STYX: variants seen among roughly 807,000 people sequenced by gnomAD.
STYX encodes the protein serine/threonine/tyrosine-interacting protein.
Under a neutral mutation model 42.7 loss-of-function variants are expected in STYX, and 20 were observed. The ratio of observed to expected loss-of-function variants is 0.47; its 90% confidence interval spans 0.33 to 0.68. The LOEUF is 0.68. Among genes scored for constraint, STYX ranks in the 30% least tolerant of loss-of-function variants. The pLI is 0.02. For synonymous variants in STYX, 78 were observed against 81.9 expected (o/e 0.95, Z 0.26); for missense variants, 226 against 268.5 (o/e 0.84, Z 1.11).
intron 1 of STYX, among the ~76,000 whole-genome samples, chr14:52,737,055 C>T (rs778444153): frequency 1.8e-4 from 27 of 151,896 alleles, no homozygotes; most frequent in Non-Finnish European, 3.5e-4. Context: ...TTTTTTCTTC[C>T]CCAAACTGTT....
intron 9 of STYX, among the ~76,000 whole-genome samples, chr14:52,766,429 A>T (rs1278925567): frequency 1.3e-5 from 2 of 152,120 alleles, no homozygotes; most frequent in Non-Finnish European, 2.9e-5. Context: ...TCGGCCTCCC[A>T]AAGTGCTGGG....
At chr14:52,764,738 G>A (rs550669098) in intron 9 of STYX, among the ~76,000 whole-genome samples, 20 of 133,178 alleles carry the variant, frequency 1.5e-4, no homozygotes, top group Non-Finnish European at 2.2e-4. Context: ...GTGTGATCTC[G>A]GCTCACTGCA....
intron 1 of STYX, among the ~76,000 whole-genome samples, chr14:52,730,745 A>C (rs1880665823): frequency 6.6e-6 from 1 of 152,200 alleles, no homozygotes; most frequent in African/African-American, 2.4e-5. Flanking sequence ...TGGTGTACTT[A>C]CATTTGAGAA....
chr14:52,764,774 T>C (rs1263690148), intron 9 of STYX, among the ~76,000 whole-genome samples: 1 of 150,500 alleles, frequency 6.6e-6, no homozygotes, highest in Non-Finnish European at 1.5e-5. Flanking sequence ...GTTCAAGCGA[T>C]TCACACACCT....
In STYX at chr14:52,730,218, GA is replaced by G; in HGVS notation, c.-256del. The G allele has an allele frequency of 1.8e-6, 1 of 545,688 alleles. No homozygotes were observed. The highest frequency in any genetic ancestry group is 3.3e-6 in the Non-Finnish European group (1 of 305,066). The allele number at this position is 545,688 out of a possible 1,614,324, so 33.8% of individuals were successfully genotyped here. On this transcript the variant is annotated 5_prime_UTR_variant, in exon 1 of 11. Coordinates refer to ENST00000354586, the MANE Select transcript of STYX (RefSeq NM_145251.4). ...TCCTGGGCGGCCTGAGGGGTACGGAGACTCTGGGGGAGGGAGACGGCAGCGG... is the reference window on the plus strand; with the variant it reads ...TCCTGGGCGGCCTGAGGGGTACGGAGCTCTGGGGGAGGGAGACGGCAGCGG...
chr14:52,758,018 C>CTACA lies in STYX; in HGVS notation c.431+95_431+96insACAT, dbSNP rs934797507. On this transcript the variant is annotated intron_variant, in intron 8 of 10. Transcript: ENST00000354586. ...TTGGAAGTTTGAAGTTCTTATTCCC[C>CTACA]TGATTATTTTTCATGTAGTCATGTT... is the stretch of plus-strand genomic sequence containing the variant. 18 of 1,367,086 alleles carry CTACA rather than the reference C, an allele frequency of 1.3e-5. No homozygotes were observed. The African/African-American group carries it at 2.3e-4, about 18-fold the overall frequency. 84.7% of individuals were successfully genotyped at this position (1,367,086 alleles called of 1,614,324 possible).
intron 3 of STYX, among the ~76,000 whole-genome samples, chr14:52,747,298 G>T (rs1361233134): frequency 6.6e-6 from 1 of 152,288 alleles, no homozygotes; most frequent in Non-Finnish European, 1.5e-5. Context: ...TATCATAGAT[G>T]TCTTTCCCCA....
intron 4 of STYX, among the ~76,000 whole-genome samples, chr14:52,755,113 G>GTTTTT (rs199911952): frequency 9.0e-6 from 1 of 110,644 alleles, no homozygotes; most frequent in Non-Finnish European, 2.0e-5. Flanking sequence ...TTTTTTGTTT[G>GTTTTT]TTTTTTTGTT....
chr14:52,735,325 A>G (rs570369707), intron 1 of STYX, among the ~76,000 whole-genome samples: 6 of 152,268 alleles, frequency 3.9e-5, no homozygotes, highest in Admixed American at 2.0e-4. Flanking sequence ...GAATTGCCCA[A>G]TTTAATTCAT....
chr14:52,737,178 A>G (rs1289091003), intron 1 of STYX, among the ~76,000 whole-genome samples: 1 of 152,176 alleles, frequency 6.6e-6, no homozygotes, highest in Non-Finnish European at 1.5e-5. Context: ...AGGGGGGACT[A>G]CTGTATTTGT....
Position 52,757,777 on chromosome 14 carries a change from C to T in STYX, c.375C>T (p.Ser125=). 6.2e-7 allele frequency: 1 copy of T among 1,613,440 alleles called. No individual in the cohort carries two copies. Among genetic ancestry groups the T allele is most frequent in the South Asian group, 1.1e-5 (1 of 91,028 alleles). The change falls in exon 7 of 11, where the codon TCC becomes TCT. Residue 125 remains serine (S), a synonymous_variant. Coordinates refer to ENST00000354586, the MANE Select transcript of STYX (RefSeq NM_145251.4). ...KVLVHGNAGI[S]RSAAFVIAYI... ...TTGTGCATGGAAATGCAGGGATCTC[C>T]AGAAGGTATGAAGTTAGAAATAATC...
At chr14:52,767,226 T>C (rs917522297) in intron 9 of STYX, among the ~76,000 whole-genome samples, 5 of 152,150 alleles carry the variant, frequency 3.3e-5, no homozygotes, top group African/African-American at 1.2e-4. Flanking sequence ...GGTGGGAGCA[T>C]AGTTCTTAGA....
intron 1 of STYX, among the ~76,000 whole-genome samples, chr14:52,732,422 G>T (rs949862830): frequency 2.0e-5 from 3 of 151,698 alleles, no homozygotes; most frequent in Non-Finnish European, 2.9e-5. Context: ...GCAGGCACCC[G>T]CTACCACACC....
intron 3 of STYX, among the ~76,000 whole-genome samples, chr14:52,748,998 C>G (rs1161834608): frequency 6.6e-6 from 1 of 152,224 alleles, no homozygotes; most frequent in African/African-American, 2.4e-5. Flanking sequence ...ACACTTAAAA[C>G]TTGCAAATTA....
At chr14:52,738,500 A>C (rs575397341) in intron 1 of STYX, among the ~76,000 whole-genome samples, 4 of 152,188 alleles carry the variant, frequency 2.6e-5, no homozygotes, top group Non-Finnish European at 4.4e-5. Flanking sequence ...TTAATATAAA[A>C]ATTGTTTAAA....
rs138684047 is a variant in STYX at position 52,750,633 on chromosome 14, T to C, written c.145-50T>C. On this transcript the variant is annotated intron_variant, in intron 3 of 10. Transcript: ENST00000354586. The stretch of plus-strand genomic sequence containing the variant: ...TATATAGTAAGATGATGTTTGATAT[T>C]TTAAAATATTTATCTTCCCTGTCCT... 3.1e-4 allele frequency: 368 copies of C among 1,184,338 alleles called. 4 individuals carry two copies. The African/African-American group carries it at 5.5e-3, about 18-fold the overall frequency. 73.4% of individuals were successfully genotyped at this position (1,184,338 alleles called of 1,614,324 possible).
At chr14:52,750,094 A>T (rs1005577230) in intron 3 of STYX, among the ~76,000 whole-genome samples, 1 of 152,044 alleles carries the variant, frequency 6.6e-6, no homozygotes, top group Non-Finnish European at 1.5e-5. Flanking sequence ...GGGATACTCA[A>T]CCTGTATTGA....
intron 9 of STYX, among the ~76,000 whole-genome samples, chr14:52,760,780 A>C (rs1057398196): frequency 6.6e-6 from 1 of 151,670 alleles, no homozygotes; most frequent in Non-Finnish European, 1.5e-5. Context: ...TGTAGAAAAC[A>C]TTGTTTTTTT....
chr14:52,730,603 C>T (rs933021348), intron 1 of STYX, 72 bp downstream of exon 1: 9 of 1,546,752 alleles, frequency 5.8e-6, no homozygotes, highest in African/African-American at 1.4e-5. Flanking sequence ...CCCCAGTCCC[C>T]AACCGTCTTA....
Sources: gnomAD v4.1 joint callset for allele counts (sites outside exome capture counted in the v4.1 genomes callset) on GRCh38, gnomAD v4.1.1 for gene constraint, MANE v1.5 for transcripts, NCBI Gene and HGNC (gene_info 2026-07-23, HGNC 2026-07-21) for gene names.